CAMSAP1: variants seen among roughly 807,000 people sequenced by gnomAD.
The protein encoded by CAMSAP1 is calmodulin-regulated spectrin-associated protein 1.
CAMSAP1 carries 58 observed loss-of-function variants against 143.5 expected under a neutral mutation model. The observed-to-expected ratio is 0.40, with a 90% CI of 0.33 to 0.50. The LOEUF is 0.50. Ranked by LOEUF, CAMSAP1 falls within the 20% of genes least tolerant of loss-of-function variation. The pLI is 0.45. For synonymous variants in CAMSAP1, 945 were observed against 859.3 expected, an observed-to-expected ratio of 1.10 and a Z score of -1.74; for missense variants, 1,969 against 2,115.7, an observed-to-expected ratio of 0.93 and a Z score of 1.36.
At position 135,818,963 on chromosome 9, in the gene CAMSAP1, C is replaced by T; in HGVS notation, c.3959+47G>A. 6.3e-7 allele frequency: 1 copy of T among 1,592,558 alleles called. No homozygotes were observed. Among genetic ancestry groups the T allele is most frequent in the Non-Finnish European group, 8.5e-7 (1 of 1,175,592 alleles). ...AACGGGACCGGGGCCGCCAGGGACC[C>T]ACCAGGCTCCTGCTCAGTCTGCTTT... On this transcript the variant is annotated intron_variant, in intron 12 of 16. Coordinates refer to ENST00000389532, the MANE Select transcript of CAMSAP1 (RefSeq NM_015447.4). This position sits in a 1 kb window ranked among gnomAD's most constrained non-coding sequence, Gnocchi z 7.7.
chr9:135,845,035 G>A (rs1025589081), intron 7 of CAMSAP1, among the ~76,000 whole-genome samples: 3 of 152,054 alleles, frequency 2.0e-5, no homozygotes, highest in East Asian at 1.9e-4. Flanking sequence ...CAGCATCATC[G>A]TGATACCAAA....
Position 135,818,502 on chromosome 9 carries a change from G to A in CAMSAP1, c.4074C>T (p.Leu1358=), listed in dbSNP as rs184247452. Residue 1358 remains leucine (L), a synonymous_variant, in exon 13 of 17, where the codon CTC becomes CTT. Coordinates refer to ENST00000389532, the MANE Select transcript of CAMSAP1 (RefSeq NM_015447.4). This position sits in a 1 kb window ranked among gnomAD's most constrained non-coding sequence, Gnocchi z 7.7. ...TCTTCGGCTTTGACTTGGGCTTGCC[G>A]AGCCCCTGCTCCTCTAGGATCTGCT... ...KQQQILEEQG[L]GKPKSKPKKP... The A allele has an allele frequency of 1.2e-3, 1,902 of 1,611,034 alleles. 44 individuals are homozygous for A. In the Admixed American group the frequency reaches 0.029, roughly 25 times the overall value.
At chr9:135,860,554 C>T (rs1488652660) in intron 5 of CAMSAP1, among the ~76,000 whole-genome samples, 12 of 141,292 alleles carry the variant, frequency 8.5e-5, no homozygotes, top group African/African-American at 3.3e-4. Context: ...GCCAAGATCA[C>T]GCAGTTGCAT....
At chr9:135,839,690 C>T (rs549465579) in intron 7 of CAMSAP1, among the ~76,000 whole-genome samples, 8 of 152,306 alleles carry the variant, frequency 5.3e-5, no homozygotes, top group South Asian at 2.1e-4. Flanking sequence ...AGGCCGAGTG[C>T]ACCCATAAGA....
rs1428731987 is a variant in CAMSAP1, at chr9:135,826,574, CTGAAACAACT to C, written c.1223+823_1223+832del. Among the ~76,000 whole-genome samples, 2 of 152,210 alleles carry C rather than the reference CTGAAACAACT, an allele frequency of 1.3e-5. No individual in the cohort carries two copies. The highest frequency in any genetic ancestry group is 4.8e-5 in the African/African-American group (2 of 41,442). On this transcript the variant is annotated intron_variant, in intron 8 of 16. Transcript: ENST00000389532. The surrounding 1 kb of genome is among the most constrained non-coding windows in gnomAD (Gnocchi z 4.4). ...CCGGTTTTAGCTCCTCTCAAACAACCTGAAACAACTGAGTTCGTTCTATGCCATGCTGTCT... is the reference window on the plus strand; with the variant it reads ...CCGGTTTTAGCTCCTCTCAAACAACCGAGTTCGTTCTATGCCATGCTGTCT...
intron 7 of CAMSAP1, among the ~76,000 whole-genome samples, chr9:135,831,823 ATGCCAACAAACTGAAT>A (rs1472215026): frequency 6.6e-6 from 1 of 152,194 alleles, no homozygotes; most frequent in Non-Finnish European, 1.5e-5. Flanking sequence ...AAACACTTAT[ATGCCAACAAACTGAAT>A]AATGCAGAAG....
chr9:135,895,478 A>C lies in CAMSAP1; in HGVS notation c.160+11522T>G, dbSNP rs1044094194. Among the ~76,000 whole-genome samples the C allele has an allele frequency of 3.3e-5, 5 of 152,348 alleles. No homozygotes were observed. In the East Asian group the frequency reaches 9.6e-4, roughly 29 times the overall value. On this transcript the variant is annotated intron_variant, in intron 1 of 16. Transcript: ENST00000389532. ...TCAATCAACCACAAATTCCATATCC[A>C]GCAAGACTATCCTTAAAAAAATGAA...
chr9:135,821,651 C>G lies in CAMSAP1; in HGVS notation c.3010G>C (p.Ala1004Pro), dbSNP rs375675045. The G allele has an allele frequency of 1.2e-6, 2 of 1,613,876 alleles. No individual in the cohort carries two copies. The highest frequency in any genetic ancestry group is 2.7e-5 in the African/African-American group (2 of 74,922). ...HELERNKVIS[A>P]ALLEDTVGEV... Reference sequence around the variant, plus strand: ...CCAACAGTGTCCTCCAGGAGGGCAGCGGAGATCACCTTATTTCTCTCCAGC... The same window carrying G: ...CCAACAGTGTCCTCCAGGAGGGCAGGGGAGATCACCTTATTTCTCTCCAGC... The change falls in exon 11 of 17, where the codon GCT becomes CCT. Residue 1004 changes from alanine to proline, a missense_variant. By Grantham distance (27) the Ala-to-Pro change is conservative. Coordinates refer to ENST00000389532, the MANE Select transcript of CAMSAP1 (RefSeq NM_015447.4). This position sits in a 1 kb window ranked among gnomAD's most constrained non-coding sequence, Gnocchi z 4.6.
chr9:135,870,362 T>A (rs543367255), intron 3 of CAMSAP1, among the ~76,000 whole-genome samples: 1 of 152,304 alleles, frequency 6.6e-6, no homozygotes, highest in East Asian at 1.9e-4. Flanking sequence ...CCGCCATGAT[T>A]GTAAGTTTCC....
At chr9:135,812,751 T>C (rs1050245125) in intron 16 of CAMSAP1, among the ~76,000 whole-genome samples, 1 of 152,126 alleles carries the variant, frequency 6.6e-6, no homozygotes. Flanking sequence ...GGCGAATCAC[T>C]TGAGGTCAGG....
In CAMSAP1 at chr9:135,818,373, G is replaced by T; in HGVS notation, c.4168+35C>A. On this transcript the variant is annotated intron_variant, in intron 13 of 16. Transcript: ENST00000389532. The surrounding 1 kb of genome is among the most constrained non-coding windows in gnomAD (Gnocchi z 7.7). ...AACGTGAGGCCGCCGCCCGCGGAAG[G>T]AAGCGCTGCCCGCGTGAGGGCCGGG... 3 of 1,527,112 alleles carry T rather than the reference G, an allele frequency of 2.0e-6. No homozygotes were observed. Among genetic ancestry groups the T allele is most frequent in the Non-Finnish European group, 2.6e-6 (3 of 1,138,848 alleles). The allele number at this position is 1,527,112 out of a possible 1,614,324, so 94.6% of individuals were successfully genotyped here. A position where few individuals can be genotyped will look rare whatever the true frequency, so the allele number is the denominator to read the frequency against.
At chr9:135,893,813 G>A (rs532249763) in intron 1 of CAMSAP1, among the ~76,000 whole-genome samples, 1 of 152,302 alleles carries the variant, frequency 6.6e-6, no homozygotes, top group Non-Finnish European at 1.5e-5. Flanking sequence ...CAGCCAGAAG[G>A]AATTTCTGGC....
intron 3 of CAMSAP1, among the ~76,000 whole-genome samples, chr9:135,868,050 G>C (rs1391471716): frequency 6.6e-6 from 1 of 151,444 alleles, no homozygotes; most frequent in African/African-American, 2.4e-5. Context: ...ATTTTCACCT[G>C]AAAGAAAATT....
intron 7 of CAMSAP1, among the ~76,000 whole-genome samples, chr9:135,846,538 TTAAAA>T (rs1404768726): frequency 6.6e-6 from 1 of 151,864 alleles, no homozygotes; most frequent in Non-Finnish European, 1.5e-5. Context: ...ATGGATCTAA[TTAAAA>T]TAAAGAGCTT....
At chr9:135,874,508 T>G (rs1837673779) in intron 3 of CAMSAP1, among the ~76,000 whole-genome samples, 1 of 143,900 alleles carries the variant, frequency 6.9e-6, no homozygotes, top group Non-Finnish European at 1.5e-5. Flanking sequence ...GGCCGGGAAC[T>G]CCTAATAAAG....
chr9:135,811,129 G>T lies in CAMSAP1; in HGVS notation c.*180C>A. 1.4e-6 allele frequency: 1 copy of T among 703,366 alleles called. No homozygotes were observed. The highest frequency in any genetic ancestry group is 2.3e-6 in the Non-Finnish European group (1 of 428,052). 43.6% of individuals were successfully genotyped at this position (703,366 alleles called of 1,614,324 possible). A position where few individuals can be genotyped will look rare whatever the true frequency, so the allele number is the denominator to read the frequency against. ...GCATCCTCTGCGTGAGATGAGCGCT[G>T]AGAGAGGGGTTTTCTTCTGCTGTCT... On this transcript the variant is annotated 3_prime_UTR_variant, in exon 17 of 17. Transcript: ENST00000389532. This position sits in a 1 kb window ranked among gnomAD's most constrained non-coding sequence, Gnocchi z 4.9.
chr9:135,860,723 C>CCTT (rs10638721), intron 5 of CAMSAP1, among the ~76,000 whole-genome samples: 50,574 of 151,674 alleles, frequency 0.33, 9,563 homozygotes, highest in African/African-American at 0.53. Flanking sequence ...TTTTTAATGT[C>CCTT]CATCATTTTA....
chr9:135,865,331 C>T, intron 4 of CAMSAP1: 1 of 1,550,614 alleles, frequency 6.4e-7, no homozygotes, highest in Non-Finnish European at 8.7e-7. Flanking sequence ...GGTTCACTTA[C>T]AGGCACTAAC....
chr9:135,865,212 G>A lies in CAMSAP1; in HGVS notation c.666+1244C>T, dbSNP rs1837331855. Reference sequence around the variant, plus strand: ...TGTACTATATAAATAACTCCAAGGTGGGACATTTAAACAACAACAACAAAA... The same window carrying A: ...TGTACTATATAAATAACTCCAAGGTAGGACATTTAAACAACAACAACAAAA... On this transcript the variant is annotated intron_variant, in intron 4 of 16. Transcript: ENST00000389532. 3.2e-6 allele frequency: 3 copies of A among 939,638 alleles called. No individual in the cohort carries two copies. In the African/African-American group the frequency reaches 4.9e-5, roughly 15 times the overall value. 58.2% of individuals were successfully genotyped at this position (939,638 alleles called of 1,614,324 possible).
Sources: gnomAD v4.1 joint callset for allele counts (sites outside exome capture counted in the v4.1 genomes callset) on GRCh38, gnomAD v4.1.1 for gene constraint, Gnocchi (gnomAD v3.1) non-coding constraint, MANE v1.5 for transcripts, NCBI Gene and HGNC (gene_info 2026-07-23, HGNC 2026-07-21) for gene names.